The following MGAM2 variants were observed in gnomAD, a reference collection of about 807,000 sequenced individuals.
MGAM2 encodes maltase-glucoamylase 2 (putative).
In MGAM2, 98 loss-of-function variants were observed where a neutral mutation model predicts 96.1. That is an observed-to-expected ratio of 1.02 (90% CI 0.87 to 1.21). The LOEUF (loss-of-function observed/expected upper bound fraction) is 1.21, where lower values mean the gene tolerates loss of function less well. Ranked by LOEUF, MGAM2 falls within the 50% of genes most tolerant of loss-of-function variation. MGAM2 has a pLI of 0.00. For synonymous variants in MGAM2, 749 were observed against 414.8 expected (o/e 1.81, Z -9.79); for missense variants, 2,055 against 1,182.4 (o/e 1.74, Z -10.82).
In MGAM2 at chr7:142,196,600, G is replaced by T; in HGVS notation, c.4515+1G>T. 1 of 724,622 alleles carries T rather than the reference G, an allele frequency of 1.4e-6. No individual in the cohort carries two copies. Among genetic ancestry groups the T allele is most frequent in the South Asian group, 1.5e-5 (1 of 68,866 alleles). 44.9% of individuals were successfully genotyped at this position (724,622 alleles called of 1,614,324 possible). On this transcript the variant is annotated splice_donor_variant, in intron 39 of 47. Coordinates refer to ENST00000477922, the MANE Select transcript of MGAM2 (RefSeq NM_001293626.2). LOFTEE classifies it high-confidence loss of function. ...GTTCAGTCTCTTTGGAATACCTTAT[G>T]TAAGTCACATTCAGACCATTACTAA...
At chr7:142,143,745 C>T in intron 12 of MGAM2, 24 bp from the exon 13 acceptor site, 1 of 557,556 alleles carries the variant, frequency 1.8e-6, no homozygotes, top group Non-Finnish European at 3.3e-6. Context: ...AAGCTGATTG[C>T]CACTGCCTTC....
intron 31 of MGAM2, among the ~76,000 whole-genome samples, chr7:142,175,411 G>A (rs1796341884): frequency 6.6e-6 from 1 of 151,000 alleles, no homozygotes; most frequent in Non-Finnish European, 1.5e-5. Flanking sequence ...AGGGGATAGA[G>A]TTCCAATTGG....
intron 1 of MGAM2, among the ~76,000 whole-genome samples, chr7:142,112,036 G>C (rs1012459003): frequency 7.0e-6 from 1 of 142,740 alleles, no homozygotes; most frequent in African/African-American, 2.6e-5. Context: ...GTGTGTGTGT[G>C]TGTGTGTGGT....
intron 32 of MGAM2, among the ~76,000 whole-genome samples, chr7:142,182,962 T>G (rs939648145): frequency 6.6e-6 from 1 of 152,156 alleles, no homozygotes; most frequent in African/African-American, 2.4e-5. Context: ...GGTAACTTTT[T>G]GTAGTATAGA....
In MGAM2 at chr7:142,154,119, C is replaced by A. The variant is rs569896212; in HGVS notation, c.1736C>A (p.Ala579Glu). The A allele has an allele frequency of 6.9e-5, 48 of 690,928 alleles. No individual in the cohort carries two copies. The highest frequency in any genetic ancestry group is 6.2e-4 in the South Asian group (41 of 65,798). The allele number at this position is 690,928 out of a possible 1,614,324, so 42.8% of individuals were successfully genotyped here. The change falls in exon 16 of 48, where the codon GCG (alanine) becomes GAG (glutamate). Residue 579 changes from alanine to glutamate, a missense_variant. Coordinates refer to ENST00000477922, the MANE Select transcript of MGAM2 (RefSeq NM_001293626.2). ...GCTGCTCATTGGCTGGGGGACAATG[C>A]GGCCACATGGGATGACCTCCGATGG... is the stretch of plus-strand genomic sequence containing the variant. The part of the protein sequence containing the change: ...KFAAHWLGDN[A>E]ATWDDLRWSI...
chr7:142,193,043 T>C (rs796190227), intron 37 of MGAM2, among the ~76,000 whole-genome samples: 4 of 152,358 alleles, frequency 2.6e-5, no homozygotes, highest in African/African-American at 9.6e-5. Context: ...CCAGTTGTTC[T>C]TGCTTTTGCC....
intron 9 of MGAM2, 38 bp downstream of exon 9, chr7:142,137,583 G>A (rs1488329904): frequency 1.5e-6 from 1 of 677,064 alleles, no homozygotes; most frequent in South Asian, 1.6e-5. Context: ...ATTTACTGCT[G>A]TTATCTCATA....
chr7:142,192,997 T>A (rs1796919729), intron 37 of MGAM2, among the ~76,000 whole-genome samples: 1 of 149,458 alleles, frequency 6.7e-6, no homozygotes, highest in Admixed American at 6.6e-5. Flanking sequence ...ATTAGCAATA[T>A]TTTTTAATTC....
intron 1 of MGAM2, among the ~76,000 whole-genome samples, chr7:142,113,127 G>C (rs1336087493): frequency 1.3e-5 from 2 of 152,154 alleles, no homozygotes; most frequent in Non-Finnish European, 2.9e-5. Flanking sequence ...TCGTGGCATT[G>C]GGGAGGAGTT....
chr7:142,115,975 A>G (rs1207125852), intron 1 of MGAM2, among the ~76,000 whole-genome samples: 1 of 152,232 alleles, frequency 6.6e-6, no homozygotes, highest in Non-Finnish European at 1.5e-5. Flanking sequence ...TCCAGGGGCT[A>G]GCAAACATTT....
intron 32 of MGAM2, 98 bp downstream of exon 32, chr7:142,175,878 G>A (rs1184182081): frequency 8.3e-6 from 5 of 605,770 alleles, no homozygotes; most frequent in East Asian, 2.9e-5. Flanking sequence ...TACCAGAAAT[G>A]TTCCTGTACT....
In MGAM2 at chr7:142,161,149, C is replaced by T. The variant is rs1795876787; in HGVS notation, c.2370C>T (p.Ile790=). Residue 790 remains isoleucine, a synonymous_variant, in exon 22 of 48, where the codon ATC becomes ATT. Transcript: ENST00000477922. ...GCCGGAGGAATTCCCTGGGACTCAT[C>T]ATCGCCTTGGACTATAAGAGAGAAG... ...EASRRNSLGL[I]IALDYKREAK... 1 of 702,718 alleles carries T rather than the reference C, an allele frequency of 1.4e-6. No individual in the cohort carries two copies. Among genetic ancestry groups the T allele is most frequent in the Non-Finnish European group, 2.6e-6 (1 of 384,798 alleles). The allele number at this position is 702,718 out of a possible 1,614,324, so 43.5% of individuals were successfully genotyped here.
At chr7:142,191,851 T>A (rs1408459002) in intron 37 of MGAM2, among the ~76,000 whole-genome samples, 2 of 152,210 alleles carry the variant, frequency 1.3e-5, no homozygotes, top group African/African-American at 4.8e-5. Context: ...TTCATTAGCA[T>A]GAGGTGTCTT....
chr7:142,189,485 C>A lies in MGAM2; in HGVS notation c.4326C>A (p.Ser1442=). 1.2e-6 allele frequency: 1 copy of A among 852,156 alleles called. No individual in the cohort carries two copies. 52.8% of individuals were successfully genotyped at this position (852,156 alleles called of 1,614,324 possible). A position where few individuals can be genotyped will look rare whatever the true frequency, so the allele number is the denominator to read the frequency against. ...HYNVHNLYGW[S]QTRPTYEAVQ... ...ACGTGCACAACCTGTACGGGTGGTCCCAGACCAGACCCACATACGAGTGAG... is the reference window on the plus strand; with the variant it reads ...ACGTGCACAACCTGTACGGGTGGTCACAGACCAGACCCACATACGAGTGAG... Residue 1442 remains serine (S), a synonymous_variant, in exon 37 of 48, where the codon TCC becomes TCA. Transcript: ENST00000477922.
In MGAM2 at chr7:142,167,343, C is replaced by G. The variant is rs750179442; in HGVS notation, c.2884C>G (p.Leu962Val). 1 of 702,876 alleles carries G rather than the reference C, an allele frequency of 1.4e-6. No individual in the cohort carries two copies. Among genetic ancestry groups the G allele is most frequent in the South Asian group, 1.5e-5 (1 of 67,582 alleles). The allele number at this position is 702,876 out of a possible 1,614,324, so 43.5% of individuals were successfully genotyped here. The change falls in exon 26 of 48, where the codon CTG becomes GTG. Residue 962 changes from leucine to valine, a missense_variant. Physicochemically the swap from Leu to Val is conservative, Grantham distance 32. Transcript: ENST00000477922. ...PNYVASDIQY[L>V]NTSITADLSL... is the part of the protein sequence containing the mutation. ...TTATGTTGCTAGTGATATTCAGTACCTGAACACCAGCATCACTGCAGACCT... is the reference window on the plus strand; with the variant it reads ...TTATGTTGCTAGTGATATTCAGTACGTGAACACCAGCATCACTGCAGACCT...
chr7:142,170,041 C>T, intron 26 of MGAM2, 34 bp from the exon 27 acceptor site: 1 of 683,062 alleles, frequency 1.5e-6, no homozygotes, highest in Non-Finnish European at 2.7e-6. Flanking sequence ...GGTCTGAGAC[C>T]CTAACAGAAA....
In MGAM2 at chr7:142,201,290, G is replaced by A. The variant is rs527284673; in HGVS notation, c.5137+1322G>A. Among the ~76,000 whole-genome samples, 313 of 151,508 alleles carry A rather than the reference G, an allele frequency of 2.1e-3. 9 individuals are homozygous for A. Among genetic ancestry groups the A allele is most frequent in the Admixed American group, 0.02 (298 of 15,206 alleles). ...TCGCCATGTTGGCCAGGCTGGTCTC[G>A]AACTCTTGGCCTCAAGTGATTCACC... On this transcript the variant is annotated intron_variant, in intron 45 of 47. Transcript: ENST00000477922.
At chr7:142,196,496 T>C (rs1007184619) in intron 38 of MGAM2, 69 bp from the exon 39 acceptor site, 10 of 702,798 alleles carry the variant, frequency 1.4e-5, no homozygotes, top group Non-Finnish European at 2.3e-5. Context: ...TAAGGAAAAA[T>C]CAGGCCAAGC....
intron 45 of MGAM2, chr7:142,208,316 C>G (rs1024257198): frequency 2.7e-5 from 16 of 601,250 alleles, no homozygotes; most frequent in Non-Finnish European, 4.7e-5. Context: ...GGTAATCTAT[C>G]CTTTGTTCAA....
Sources: gnomAD v4.1 joint callset for allele counts (sites outside exome capture counted in the v4.1 genomes callset) on GRCh38, gnomAD v4.1.1 for gene constraint, MANE v1.5 for transcripts, NCBI Gene and HGNC (gene_info 2026-07-23, HGNC 2026-07-21) for gene names.